The following U2SURP variants were observed in gnomAD, a reference collection of about 807,000 sequenced individuals.
U2SURP encodes U2 snRNP associated SURP domain containing.
U2SURP carries 9 observed loss-of-function variants against 144.9 expected under a neutral mutation model. The ratio of observed to expected loss-of-function variants is 0.06; its 90% CI spans 0.04 to 0.11. The LOEUF is 0.11. Among genes scored for constraint, U2SURP ranks in the 10% least tolerant of loss-of-function variants. The pLI is 1.00. For missense variants in U2SURP, 724 were observed against 1,226.7 expected (o/e 0.59, Z 6.12); for synonymous variants, 408 against 396.8 (o/e 1.03, Z -0.33).
chr3:143,048,070 G>T (rs1354097193), intron 24 of U2SURP, among the ~76,000 whole-genome samples: 1 of 152,240 alleles, frequency 6.6e-6, no homozygotes, highest in East Asian at 1.9e-4. Context: ...CTTGTTGGAA[G>T]AGAGAGATCA....
intron 24 of U2SURP, among the ~76,000 whole-genome samples, chr3:143,044,125 G>A (rs1184092183): frequency 6.6e-6 from 1 of 151,926 alleles, no homozygotes; most frequent in Non-Finnish European, 1.5e-5. Flanking sequence ...GGCATATTCT[G>A]TTATGTTTAC....
At position 143,014,064 on chromosome 3, in the gene U2SURP, T is replaced by A. The variant is rs1455848508; in HGVS notation, c.223-247T>A. Among the ~76,000 whole-genome samples, 3 of 152,046 alleles carry A rather than the reference T, an allele frequency of 2.0e-5. No homozygotes were observed. In the East Asian group the frequency reaches 5.8e-4, roughly 29 times the overall value. On this transcript the variant is annotated intron_variant, in intron 3 of 27. Transcript: ENST00000473835. ...CAGTCTCTTCTATTTTTACCTTTTT[T>A]TTTTAACATGACTTTTGCATGTTTT... is the stretch of plus-strand genomic sequence containing the variant.
At position 143,028,605 on chromosome 3, in the gene U2SURP, T is replaced by C. The variant is rs376021154; in HGVS notation, c.1569T>C (p.Ala523=). ...HGMSEEQETE[A]FVEEPSKKGA... Reference sequence around the variant, plus strand: ...TGTCAGAAGAGCAAGAAACAGAAGCTTTTGTAGAGGAACCTAGTAAAAAGG... The same window carrying C: ...TGTCAGAAGAGCAAGAAACAGAAGCCTTTGTAGAGGAACCTAGTAAAAAGG... The change falls in exon 16 of 28, where the codon GCT becomes GCC. Residue 523 remains alanine (A), a synonymous_variant. Transcript: ENST00000473835. 6.2e-7 allele frequency: 1 copy of C among 1,605,554 alleles called. No individual in the cohort carries two copies. Among genetic ancestry groups the C allele is most frequent in the Non-Finnish European group, 8.5e-7 (1 of 1,177,764 alleles).
In U2SURP at chr3:143,010,972, T is replaced by C. The variant is rs1005701703; in HGVS notation, c.90+113T>C. 8.0e-5 allele frequency: 62 copies of C among 778,442 alleles called. No individual in the cohort carries two copies. In the East Asian group the frequency reaches 1.6e-3, roughly 20 times the overall value. 48.2% of individuals were successfully genotyped at this position (778,442 alleles called of 1,614,324 possible). On this transcript the variant is annotated intron_variant, in intron 2 of 27. Coordinates refer to ENST00000473835, the MANE Select transcript of U2SURP (RefSeq NM_001080415.2). ...AAATAAATACAATTGTATGTGCTTT[T>C]TTCTTTTACTCTTTTTTTTCTAGGC...
At chr3:143,037,411 A>C in intron 21 of U2SURP, 76 bp downstream of exon 21, 1 of 1,327,932 alleles carries the variant, frequency 7.5e-7, no homozygotes, top group Non-Finnish European at 1.1e-6. Flanking sequence ...ATACATGCTG[A>C]TATGGAAAAA....
intron 2 of U2SURP, 99 bp from the exon 3 acceptor site, chr3:143,012,123 A>C (rs1450288631): frequency 2.0e-5 from 28 of 1,409,328 alleles, no homozygotes; most frequent in Non-Finnish European, 2.6e-5. Flanking sequence ...ATCTACAATG[A>C]AATTTGTCAA....
Position 143,014,341 on chromosome 3 carries a change from A to C in U2SURP, c.253A>C (p.Ser85Arg), listed in dbSNP as rs778054955. 24 of 1,608,532 alleles carry C rather than the reference A, an allele frequency of 1.5e-5. No homozygotes were observed. The South Asian group carries it at 1.8e-4, about 12-fold the overall frequency. Residue 85 changes from serine (S) to arginine (R), a missense_variant, in exon 4 of 28, where the codon AGT (serine) becomes CGT (arginine). Physicochemically the swap from Ser to Arg is moderately radical, Grantham distance 110 (BLOSUM62 -1). Coordinates refer to ENST00000473835, the MANE Select transcript of U2SURP (RefSeq NM_001080415.2). ...PLLENKLKAF[S>R]IGKMSTAKRT... ...TCTGGAAAACAAACTTAAAGCATTC[A>C]GTATTGGAAAAATGAGTACAGCTAA...
Position 143,054,539 on chromosome 3 carries a change from G to GT in U2SURP, c.2775-402dup, listed in dbSNP as rs1196076949. Reference sequence around the variant, plus strand: ...TACCCTTCACCCACATTACCCAAATGTTAAAGTATTTCTACTTTTGCTTTA... The same window carrying GT: ...TACCCTTCACCCACATTACCCAAATGTTTAAAGTATTTCTACTTTTGCTTTA... On this transcript the variant is annotated intron_variant, in intron 26 of 27. Coordinates refer to ENST00000473835, the MANE Select transcript of U2SURP (RefSeq NM_001080415.2). Among the ~76,000 whole-genome samples, 13 of 152,314 alleles carry GT rather than the reference G, an allele frequency of 8.5e-5. No homozygotes were observed. The South Asian group carries it at 2.5e-3, about 29-fold the overall frequency.
intron 23 of U2SURP, among the ~76,000 whole-genome samples, chr3:143,040,135 A>G (rs187320540): frequency 6.6e-6 from 1 of 151,870 alleles, no homozygotes; most frequent in Admixed American, 6.6e-5. Flanking sequence ...TATTTAATTT[A>G]GGGGGAAGGA....
At position 143,028,473 on chromosome 3, in the gene U2SURP, T is replaced by C. The variant is rs1241846586; in HGVS notation, c.1447-10T>C. 5.0e-6 allele frequency: 8 copies of C among 1,599,946 alleles called. No individual in the cohort carries two copies. Among genetic ancestry groups the C allele is most frequent in the South Asian group, 3.4e-5 (3 of 87,606 alleles). On this transcript the variant is annotated splice_polypyrimidine_tract_variant and intron_variant, in intron 15 of 27. Transcript: ENST00000473835. The stretch of plus-strand genomic sequence containing the variant: ...ATTAGACCTTTATAATAACTCTAAA[T>C]GTTTGTTAGGGAGATTCTCCAACTA...
chr3:143,027,335 C>T (rs1560188308), intron 14 of U2SURP, 82 bp downstream of exon 14: 1 of 969,504 alleles, frequency 1.0e-6, no homozygotes, highest in Admixed American at 2.2e-5. Flanking sequence ...AGTTCAGTGT[C>T]ATTAAGTACA....
At chr3:143,016,236 A>G (rs1936366770) in intron 4 of U2SURP, 21 bp from the exon 5 acceptor site, 1 of 1,601,638 alleles carries the variant, frequency 6.2e-7, no homozygotes. Flanking sequence ...GTGTAATATT[A>G]ATATTTTCAT....
chr3:143,023,354 T>G, intron 12 of U2SURP: 1 of 258,238 alleles, frequency 3.9e-6, no homozygotes, highest in South Asian at 8.5e-5. Flanking sequence ...AAATTTACTT[T>G]GTTCTGAGAA....
At chr3:143,018,724 G>C (rs1045776630) in intron 6 of U2SURP, among the ~76,000 whole-genome samples, 1 of 152,092 alleles carries the variant, frequency 6.6e-6, no homozygotes, top group Admixed American at 6.5e-5. Context: ...CTAACACTTT[G>C]AGACCAGCCT....
intron 6 of U2SURP, among the ~76,000 whole-genome samples, chr3:143,017,732 A>G (rs1318970884): frequency 6.6e-6 from 1 of 151,854 alleles, no homozygotes; most frequent in Non-Finnish European, 1.5e-5. Flanking sequence ...TGGTCCTCCC[A>G]CCTCAGCCTC....
rs778606111 is a variant in U2SURP, at chr3:143,033,359, A to C, written c.1853+9A>C. The C allele has an allele frequency of 2.2e-6, 3 of 1,387,516 alleles. No individual in the cohort carries two copies. Among genetic ancestry groups the C allele is most frequent in the Non-Finnish European group, 3.0e-6 (3 of 1,001,352 alleles). The allele number at this position is 1,387,516 out of a possible 1,614,324, so 86.0% of individuals were successfully genotyped here. ...TCATATTATAGAAAATTGTAAGTAT[A>C]ATGATATAACTGATATTCCTGAAAT... On this transcript the variant is annotated intron_variant, in intron 18 of 27. Transcript: ENST00000473835.
chr3:143,002,735 T>A (rs1293730439), intron 1 of U2SURP, among the ~76,000 whole-genome samples: 1 of 152,238 alleles, frequency 6.6e-6, no homozygotes, highest in African/African-American at 2.4e-5. Context: ...GTTTTCTACT[T>A]GCTTTCTCTA....
intron 24 of U2SURP, among the ~76,000 whole-genome samples, chr3:143,050,185 T>G (rs1934779947): frequency 6.6e-6 from 1 of 152,052 alleles, no homozygotes; most frequent in Non-Finnish European, 1.5e-5. Flanking sequence ...GCGATTCTCC[T>G]GCCTCAGTCT....
chr3:143,003,186 ATAAAT>A (rs1935627477), intron 1 of U2SURP, among the ~76,000 whole-genome samples: 1 of 152,238 alleles, frequency 6.6e-6, no homozygotes, highest in South Asian at 2.1e-4. Context: ...TTCTCAATAA[ATAAAT>A]TATTGGATTA....
Sources: allele counts gnomAD v4.1 joint callset (sites outside exome capture counted in the v4.1 genomes callset), GRCh38; gene constraint gnomAD v4.1.1; transcripts MANE v1.5; gene names NCBI Gene and HGNC (gene_info 2026-07-23, HGNC 2026-07-21).